The following CCSER1 variants were observed in gnomAD, a reference collection of about 807,000 sequenced individuals.
The protein encoded by CCSER1 is coiled-coil serine rich protein 1.
A neutral mutation model predicts 82.0 loss-of-function variants in CCSER1; 41 were observed. That is an observed-to-expected ratio of 0.50 (90% confidence interval 0.39 to 0.65). The LOEUF is 0.65. Among genes scored for constraint, CCSER1 ranks in the 30% least tolerant of loss-of-function variants. The pLI is 0.00. For synonymous variants in CCSER1, 414 were observed against 383.9 expected (o/e 1.08, Z -0.92); for missense variants, 1,119 against 1,064.2 (o/e 1.05, Z -0.72).
At chr4:90,512,626 G>C (rs552308467) in intron 5 of CCSER1, among the ~76,000 whole-genome samples, 2 of 152,024 alleles carry the variant, frequency 1.3e-5, no homozygotes, top group Non-Finnish European at 2.9e-5. Context: ...ATGTGAATCA[G>C]AAAAATAACT....
At chr4:90,173,367 T>C (rs1345652509) in intron 1 of CCSER1, among the ~76,000 whole-genome samples, 1 of 151,500 alleles carries the variant, frequency 6.6e-6, no homozygotes, top group East Asian at 1.9e-4. Flanking sequence ...TCAGGATAAA[T>C]ATTTCAAGAA....
chr4:91,165,199 C>T (rs1457702507), intron 10 of CCSER1, among the ~76,000 whole-genome samples: 2 of 152,186 alleles, frequency 1.3e-5, no homozygotes, highest in African/African-American at 4.8e-5. Flanking sequence ...CCCTCAGCTG[C>T]AGGTCTGTTG....
intron 8 of CCSER1, among the ~76,000 whole-genome samples, chr4:90,850,042 G>A (rs541624974): frequency 5.9e-5 from 9 of 152,260 alleles, no homozygotes; most frequent in African/African-American, 2.2e-4. Flanking sequence ...CTGCATCCCA[G>A]CTGCCTCAGC....
intron 9 of CCSER1, among the ~76,000 whole-genome samples, chr4:91,048,380 G>C (rs1436093529): frequency 6.7e-6 from 1 of 149,776 alleles, no homozygotes. Context: ...TTTACTTTTT[G>C]TTCCTCAATT....
At chr4:91,310,224 T>C (rs1430721494) in intron 10 of CCSER1, among the ~76,000 whole-genome samples, 1 of 151,856 alleles carries the variant, frequency 6.6e-6, no homozygotes, top group Non-Finnish European at 1.5e-5. Flanking sequence ...AATTGCAACA[T>C]TGGCCTGATT....
At chr4:90,407,642 A>G (rs1469773428) in intron 4 of CCSER1, among the ~76,000 whole-genome samples, 1 of 152,170 alleles carries the variant, frequency 6.6e-6, no homozygotes, top group Non-Finnish European at 1.5e-5. Context: ...TATCAAAAAG[A>G]TGATCCAGAG....
At chr4:91,072,162 G>A (rs1436157433) in intron 9 of CCSER1, among the ~76,000 whole-genome samples, 3 of 152,112 alleles carry the variant, frequency 2.0e-5, no homozygotes, top group Admixed American at 6.5e-5. Flanking sequence ...GTACCAAGAT[G>A]AGAACTGCTA....
intron 10 of CCSER1, among the ~76,000 whole-genome samples, chr4:91,573,887 A>G (rs1057260033): frequency 1.4e-4 from 22 of 152,168 alleles, no homozygotes; most frequent in Non-Finnish European, 2.9e-5. Flanking sequence ...CAAAAAAGAA[A>G]TTAAGAAAGC....
intron 6 of CCSER1, among the ~76,000 whole-genome samples, chr4:90,690,610 A>G (rs1000335837): frequency 6.6e-6 from 1 of 151,960 alleles, no homozygotes. Context: ...TAATTTCCTC[A>G]TCTTTTCTTC....
intron 10 of CCSER1, among the ~76,000 whole-genome samples, chr4:91,557,964 C>T (rs1038871792): frequency 1.9e-4 from 29 of 150,254 alleles, no homozygotes; most frequent in African/African-American, 6.8e-4. Flanking sequence ...TAAAAATACA[C>T]AAAAAAAGAT....
intron 9 of CCSER1, among the ~76,000 whole-genome samples, chr4:91,054,135 G>A (rs1743236064): frequency 6.6e-6 from 1 of 152,138 alleles, no homozygotes; most frequent in African/African-American, 2.4e-5. Context: ...TAGGATGAGG[G>A]TCCTGGTCTT....
intron 1 of CCSER1, among the ~76,000 whole-genome samples, chr4:90,141,002 C>G (rs1724664564): frequency 7.7e-6 from 1 of 130,198 alleles, no homozygotes; most frequent in South Asian, 2.5e-4. Context: ...TTAGTGTTCT[C>G]CAGAGAAACC....
intron 5 of CCSER1, among the ~76,000 whole-genome samples, chr4:90,557,352 T>A (rs573312154): frequency 6.6e-6 from 1 of 152,142 alleles, no homozygotes; most frequent in Admixed American, 6.5e-5. Flanking sequence ...AATGGAGAGT[T>A]AGGAAATTTG....
At chr4:91,268,141 G>A (rs1741744011) in intron 10 of CCSER1, among the ~76,000 whole-genome samples, 1 of 152,184 alleles carries the variant, frequency 6.6e-6, no homozygotes, top group Admixed American at 6.6e-5. Flanking sequence ...AATTTGTACT[G>A]AGAATGTTTG....
At chr4:90,803,724 T>G (rs1341005597) in intron 7 of CCSER1, among the ~76,000 whole-genome samples, 1 of 152,090 alleles carries the variant, frequency 6.6e-6, no homozygotes, top group Admixed American at 6.6e-5. Context: ...TGGGTATATA[T>G]CTGGTAATGG....
intron 10 of CCSER1, among the ~76,000 whole-genome samples, chr4:91,478,176 A>G (rs1034957048): frequency 3.9e-5 from 6 of 151,928 alleles, no homozygotes; most frequent in African/African-American, 1.4e-4. Context: ...CTAAAGTATT[A>G]ATAACTTGCT....
intron 1 of CCSER1, among the ~76,000 whole-genome samples, chr4:90,181,391 A>G (rs1319898411): frequency 6.6e-6 from 1 of 152,210 alleles, no homozygotes; most frequent in Non-Finnish European, 1.5e-5. Context: ...GGTACATGCT[A>G]CAACATGGAT....
At chr4:91,500,474 A>AT (rs958010611) in intron 10 of CCSER1, among the ~76,000 whole-genome samples, 19 of 151,820 alleles carry the variant, frequency 1.3e-4, no homozygotes, top group African/African-American at 4.1e-4. Flanking sequence ...AATTTCATTT[A>AT]TTTTTTCCAG....
chr4:90,780,982 G>A (rs543906294), intron 7 of CCSER1: 7 of 215,306 alleles, frequency 3.3e-5, no homozygotes, highest in South Asian at 1.7e-4. Flanking sequence ...GCTTCCAATC[G>A]TGGCGGAAGG....
Sources: allele counts gnomAD v4.1 joint callset (sites outside exome capture counted in the v4.1 genomes callset), GRCh38; gene constraint gnomAD v4.1.1; transcripts MANE v1.5; gene names NCBI Gene and HGNC (gene_info 2026-07-23, HGNC 2026-07-21).